The following UBE2Q2 variants were observed in gnomAD, a reference collection of about 807,000 sequenced individuals.
The protein encoded by UBE2Q2 is ubiquitin-conjugating enzyme E2 Q2.
In UBE2Q2, 54 loss-of-function variants were observed where a neutral mutation model predicts 59.9. That is an observed-to-expected ratio of 0.90 (90% CI 0.72 to 1.13). UBE2Q2 has a LOEUF of 1.13. UBE2Q2 is among the 50% of genes most tolerant of loss of function. UBE2Q2 has a pLI of 0.00. For missense variants in UBE2Q2, 433 were observed against 441.9 expected, an observed-to-expected ratio of 0.98 and a Z score of 0.18; for synonymous variants, 165 against 155.2, an observed-to-expected ratio of 1.06 and a Z score of -0.47.
Position 75,883,363 on chromosome 15 carries a change from T to C in UBE2Q2, c.826-3T>C. The C allele has an allele frequency of 1.2e-6, 2 of 1,612,880 alleles. No individual in the cohort carries two copies. Among genetic ancestry groups the C allele is most frequent in the Non-Finnish European group, 1.7e-6 (2 of 1,179,126 alleles). ...TAATTAAACTTGCTTATTTGCTTTT[T>C]AGGATAACTTTCCATTTGATCCTCC... is the stretch of plus-strand genomic sequence containing the variant. On this transcript the variant is annotated splice_region_variant and splice_polypyrimidine_tract_variant and intron_variant, in intron 8 of 12. Transcript: ENST00000267938.
rs372868686 is a variant in UBE2Q2, at chr15:75,879,041, T to TA, written c.735-46dup. ...ATACTAGTTCATTTTTGAGTTTAGT[T>TA]AAAAAAAAAAATCTCTAACTTTTTA... On this transcript the variant is annotated intron_variant, in intron 7 of 12. Coordinates refer to ENST00000267938, the MANE Select transcript of UBE2Q2 (RefSeq NM_173469.4). 9,394 of 1,152,822 alleles carry TA rather than the reference T, an allele frequency of 8.1e-3. 7 individuals carry two copies. The highest frequency in any genetic ancestry group is 0.014 in the Admixed American group (533 of 36,820). The allele number at this position is 1,152,822 out of a possible 1,614,324, so 71.4% of individuals were successfully genotyped here.
intron 1 of UBE2Q2, chr15:75,844,421 C>T (rs1896210480): frequency 6.4e-7 from 1 of 1,551,536 alleles, no homozygotes; most frequent in South Asian, 1.2e-5. Context: ...AGCGACCCCT[C>T]TCCCCCGGGC....
chr15:75,891,060 ATTACT>A, intron 11 of UBE2Q2, 46 bp downstream of exon 11: 1 of 1,421,920 alleles, frequency 7.0e-7, no homozygotes, highest in South Asian at 1.2e-5. Context: ...TACATTTTAT[ATTACT>A]TTATAAGCTT....
chr15:75,890,966 T>TG lies in UBE2Q2; in HGVS notation c.982dup (p.Ala328GlyfsTer16). 1 of 1,612,446 alleles carries TG rather than the reference T, an allele frequency of 6.2e-7. No individual in the cohort carries two copies. Among genetic ancestry groups the TG allele is most frequent in the Non-Finnish European group, 8.5e-7 (1 of 1,179,940 alleles). On this transcript the variant is annotated frameshift_variant, in exon 11 of 13. Transcript: ENST00000267938. LOFTEE classifies it high-confidence loss of function. ...TAGAATCGGTCATCATGCAAATAAA[T>TG]GCCACCTTAGTCAAAGGCAAAGCCA...
chr15:75,844,978 A>G (rs1268231689), intron 1 of UBE2Q2, among the ~76,000 whole-genome samples: 1 of 151,980 alleles, frequency 6.6e-6, no homozygotes, highest in African/African-American at 2.4e-5. Flanking sequence ...AAAAAAAAAA[A>G]GACAAGTGCT....
chr15:75,869,709 C>T (rs1419683548), intron 4 of UBE2Q2, among the ~76,000 whole-genome samples: 6 of 152,184 alleles, frequency 3.9e-5, no homozygotes. Flanking sequence ...TCTTAAAGGT[C>T]CTACCTCTTA....
chr15:75,856,269 G>GTGTGTGTGTGTGTGTATA (rs1256142539), intron 2 of UBE2Q2, among the ~76,000 whole-genome samples: 2 of 139,278 alleles, frequency 1.4e-5, no homozygotes, highest in African/African-American at 5.5e-5. Context: ...GTGTGTGTGT[G>GTGTGTGTGTGTGTGTATA]TATATATATA....
chr15:75,874,185 C>T (rs1389329430), intron 5 of UBE2Q2, among the ~76,000 whole-genome samples: 5 of 152,048 alleles, frequency 3.3e-5, no homozygotes, highest in East Asian at 1.9e-4. Context: ...TCATCCTCTC[C>T]GACAAAATAC....
chr15:75,844,287 C>G, intron 1 of UBE2Q2: 1 of 1,542,180 alleles, frequency 6.5e-7, no homozygotes, highest in Non-Finnish European at 8.8e-7. Flanking sequence ...ATTTTTCAGT[C>G]GGATTTTCCT....
At chr15:75,888,045 CTTT>C (rs1188587641) in intron 9 of UBE2Q2, among the ~76,000 whole-genome samples, 1 of 152,148 alleles carries the variant, frequency 6.6e-6, no homozygotes, top group Non-Finnish European at 1.5e-5. Flanking sequence ...GACCCTACTT[CTTT>C]ATTTCTTGAC....
chr15:75,878,593 G>A (rs1291443691), intron 7 of UBE2Q2, among the ~76,000 whole-genome samples: 5 of 88,710 alleles, frequency 5.6e-5, no homozygotes, highest in African/African-American at 1.9e-4. Context: ...TGAGGCACCC[G>A]GTCTCTTAAA....
intron 4 of UBE2Q2, among the ~76,000 whole-genome samples, chr15:75,870,104 G>C (rs1216469024): frequency 6.6e-6 from 1 of 152,128 alleles, no homozygotes; most frequent in Admixed American, 6.5e-5. Flanking sequence ...GGGTCTCACT[G>C]TGGTGCAGGC....
At chr15:75,853,168 AT>A (rs1896715644) in intron 1 of UBE2Q2, among the ~76,000 whole-genome samples, 2 of 152,164 alleles carry the variant, frequency 1.3e-5, no homozygotes, top group Admixed American at 1.3e-4. Context: ...ATCACATGTA[AT>A]TGTGTTTTAA....
chr15:75,892,690 T>C (rs998991001), intron 11 of UBE2Q2, among the ~76,000 whole-genome samples: 5 of 151,906 alleles, frequency 3.3e-5, no homozygotes, highest in African/African-American at 1.2e-4. Flanking sequence ...TGAGAACTCG[T>C]CTACACAAAA....
At chr15:75,868,772 T>C (rs1445812631) in intron 3 of UBE2Q2, among the ~76,000 whole-genome samples, 179 bp from the exon 4 acceptor site, 2 of 152,226 alleles carry the variant, frequency 1.3e-5, no homozygotes, top group Non-Finnish European at 2.9e-5. Context: ...TTTTAAAAGC[T>C]GATAACTTAT....
At chr15:75,876,065 CAA>C (rs33923600) in intron 5 of UBE2Q2, 120 bp from the exon 6 acceptor site, 4,103 of 529,286 alleles carry the variant, frequency 7.8e-3, no homozygotes, top group Middle Eastern at 0.012. Flanking sequence ...ACTCCATCTC[CAA>C]AAAAAAAAAA....
chr15:75,858,273 A>G (rs958707256), intron 2 of UBE2Q2, among the ~76,000 whole-genome samples: 1 of 152,230 alleles, frequency 6.6e-6, no homozygotes, highest in African/African-American at 2.4e-5. Context: ...ATGTTAGGGA[A>G]TCTCACTTAC....
intron 4 of UBE2Q2, 67 bp downstream of exon 4, chr15:75,869,077 A>G: frequency 1.5e-6 from 2 of 1,335,206 alleles, no homozygotes; most frequent in Non-Finnish European, 2.1e-6. Flanking sequence ...GTAATTCTCA[A>G]ATCTTTTTTA....
intron 9 of UBE2Q2, among the ~76,000 whole-genome samples, chr15:75,886,128 T>G (rs1019860439): frequency 4.0e-5 from 6 of 151,716 alleles, no homozygotes; most frequent in African/African-American, 1.5e-4. Context: ...TGTTTTAGTT[T>G]TTTTTTTTTG....
Sources: gnomAD v4.1 joint callset for allele counts (sites outside exome capture counted in the v4.1 genomes callset) on GRCh38, gnomAD v4.1.1 for gene constraint, MANE v1.5 for transcripts, NCBI Gene and HGNC (gene_info 2026-07-23, HGNC 2026-07-21) for gene names.